KIAA0930: variants seen among roughly 807,000 people sequenced by gnomAD.
KIAA0930 encodes KIAA0930.
A neutral mutation model predicts 43.9 loss-of-function variants in KIAA0930; 24 were observed. That is an observed-to-expected ratio of 0.55 (90% CI 0.40 to 0.77). The LOEUF (loss-of-function observed/expected upper bound fraction) is 0.77, where lower values mean the gene tolerates loss of function less well. Ranked by LOEUF, KIAA0930 falls within the 30% of genes least tolerant of loss-of-function variation. The probability of loss-of-function intolerance (pLI) is 0.00; values close to 1 mark genes in which losing one functional copy is unlikely to be tolerated. For missense variants in KIAA0930, 461 were observed against 574.2 expected, an observed-to-expected ratio of 0.80 and a Z score of 2.02; for synonymous variants, 259 against 216.4, an observed-to-expected ratio of 1.20 and a Z score of -1.73.
At chr22:45,222,360 G>C (rs960521137) in intron 1 of KIAA0930, among the ~76,000 whole-genome samples, 2 of 152,118 alleles carry the variant, frequency 1.3e-5, no homozygotes, top group Non-Finnish European at 2.9e-5. Flanking sequence ...CTGTCACCTA[G>C]GCTGGAGTCC....
chr22:45,238,217 C>T (rs778652319), intron 1 of KIAA0930, among the ~76,000 whole-genome samples: 11 of 152,162 alleles, frequency 7.2e-5, no homozygotes, highest in South Asian at 2.1e-4. Context: ...TGAGCCACCA[C>T]GCCCGGCCAA....
intron 1 of KIAA0930, among the ~76,000 whole-genome samples, chr22:45,217,196 A>G (rs1208950268): frequency 6.6e-6 from 1 of 151,998 alleles, no homozygotes; most frequent in Non-Finnish European, 1.5e-5. Context: ...CCCCATCTCT[A>G]CTAAAAATAC....
chr22:45,206,701 AT>A (rs55641702), intron 2 of KIAA0930, among the ~76,000 whole-genome samples: 61,530 of 146,162 alleles, frequency 0.42, 12,856 homozygotes, highest in South Asian at 0.64. Flanking sequence ...CTGGCTTCCA[AT>A]TTTTTTTTTT....
At chr22:45,220,608 G>T (rs765131862) in intron 1 of KIAA0930, among the ~76,000 whole-genome samples, 18 of 152,082 alleles carry the variant, frequency 1.2e-4, no homozygotes, top group Non-Finnish European at 2.2e-4. Context: ...TTGGGACAGG[G>T]TCTATCTATG....
intron 1 of KIAA0930, among the ~76,000 whole-genome samples, chr22:45,228,317 C>T (rs1191166396): frequency 1.3e-5 from 2 of 152,122 alleles, no homozygotes; most frequent in African/African-American, 2.4e-5. Context: ...GAGTGTGGAC[C>T]AGTGAAATGT....
At chr22:45,223,820 CAGATGAGCACCCA>C (rs1183994783) in intron 1 of KIAA0930, among the ~76,000 whole-genome samples, 5 of 146,804 alleles carry the variant, frequency 3.4e-5, no homozygotes, top group Middle Eastern at 3.3e-3. Context: ...GGATCAGCAC[CAGATGAGCACCCA>C]GGATCAGCAC....
chr22:45,205,556 G>T, intron 4 of KIAA0930, 74 bp downstream of exon 4: 1 of 1,402,430 alleles, frequency 7.1e-7, no homozygotes, highest in South Asian at 1.2e-5. Flanking sequence ...GCAAGCAGGA[G>T]GACTTGTCTC....
At chr22:45,200,157 C>T (rs1223966627) in intron 7 of KIAA0930, 122 bp from the exon 8 acceptor site, 1 of 964,638 alleles carries the variant, frequency 1.0e-6, no homozygotes, top group South Asian at 2.1e-5. Context: ...GGCCGCTGGC[C>T]CAGGAGGACC....
chr22:45,214,875 C>T (rs2083721812), intron 1 of KIAA0930, among the ~76,000 whole-genome samples: 1 of 152,164 alleles, frequency 6.6e-6, no homozygotes, highest in African/African-American at 2.4e-5. Flanking sequence ...AACCACTGCA[C>T]TCCTGCCTGG....
Position 45,240,626 on chromosome 22 carries a change from C to T in KIAA0930, c.64+14G>A. On this transcript the variant is annotated intron_variant, in intron 1 of 9. Coordinates refer to ENST00000336156, the MANE Select transcript of KIAA0930 (RefSeq NM_001009880.2). ...ACCTCTCCCGGCCCGGCCTCGCCCCCGGGTCCCACTCACCGAGGCCGCAGA... is the reference window on the plus strand; with the variant it reads ...ACCTCTCCCGGCCCGGCCTCGCCCCTGGGTCCCACTCACCGAGGCCGCAGA... The T allele has an allele frequency of 1.3e-6, 2 of 1,518,802 alleles. No homozygotes were observed. Among genetic ancestry groups the T allele is most frequent in the Non-Finnish European group, 1.8e-6 (2 of 1,136,552 alleles). 94.1% of individuals were successfully genotyped at this position (1,518,802 alleles called of 1,614,324 possible).
rs533870817 is a variant in KIAA0930, at chr22:45,197,092, C to A, written c.*84G>T. 494 of 1,212,690 alleles carry A rather than the reference C, an allele frequency of 4.1e-4. 6 individuals are homozygous for A. In the South Asian group the frequency reaches 6.7e-3, roughly 17 times the overall value. The allele number at this position is 1,212,690 out of a possible 1,614,324, so 75.1% of individuals were successfully genotyped here. ...TCCAGCACTGGCGTGCCATCGCAGA[C>A]CCCGGTGGCGGTGGACAGGTAGGCA... On this transcript the variant is annotated 3_prime_UTR_variant, in exon 10 of 10. Coordinates refer to ENST00000336156, the MANE Select transcript of KIAA0930 (RefSeq NM_001009880.2).
At chr22:45,219,400 A>G (rs118060824) in intron 1 of KIAA0930, among the ~76,000 whole-genome samples, 4,108 of 152,118 alleles carry the variant, frequency 0.027, 149 homozygotes, top group Admixed American at 0.1. Flanking sequence ...ATTCCTTGAA[A>G]CCCACCCCAA....
chr22:45,225,255 C>T (rs142659241), intron 1 of KIAA0930, among the ~76,000 whole-genome samples: 2 of 152,158 alleles, frequency 1.3e-5, no homozygotes, highest in African/African-American at 2.4e-5. Flanking sequence ...CTCCCTCCCT[C>T]GGGGCACAGA....
At chr22:45,212,189 AC>A (rs1420556615) in intron 1 of KIAA0930, 82 bp from the exon 2 acceptor site, 4 of 1,612,498 alleles carry the variant, frequency 2.5e-6, no homozygotes, top group South Asian at 1.1e-5. Context: ...CTGCGCCCAT[AC>A]CCCCACATTT....
chr22:45,218,333 A>ATTTTTTTTTTTTTTT lies in KIAA0930; in HGVS notation c.65-6241_65-6227dup, dbSNP rs752298111. Among the ~76,000 whole-genome samples, 14 of 51,706 alleles carry ATTTTTTTTTTTTTTT rather than the reference A, an allele frequency of 2.7e-4. 1 individual carries two copies. Among genetic ancestry groups the ATTTTTTTTTTTTTTT allele is most frequent in the African/African-American group, 1.1e-3 (13 of 12,298 alleles). The allele number at this position is 51,706 out of a possible 152,430, so 33.9% of individuals were successfully genotyped here. On this transcript the variant is annotated intron_variant, in intron 1 of 9. Coordinates refer to ENST00000336156, the MANE Select transcript of KIAA0930 (RefSeq NM_001009880.2). ...CCATCACACCCAGCTAATTTTTTTG[A>ATTTTTTTTTTTTTTT]TTTTTTTTTTTTTTTTTTTTTTTTT...
intron 1 of KIAA0930, among the ~76,000 whole-genome samples, chr22:45,233,357 A>C (rs2083866297): frequency 6.6e-6 from 1 of 152,084 alleles, no homozygotes; most frequent in Non-Finnish European, 1.5e-5. Context: ...TAAGGAGTGG[A>C]GGCTGAGGTT....
intron 8 of KIAA0930, among the ~76,000 whole-genome samples, chr22:45,198,186 C>T (rs1318144838): frequency 2.0e-5 from 3 of 152,228 alleles, no homozygotes; most frequent in Non-Finnish European, 2.9e-5. Context: ...TTTGGCCACC[C>T]CCCTCATCTC....
chr22:45,217,274 T>C (rs1488973898), intron 1 of KIAA0930, among the ~76,000 whole-genome samples: 1 of 139,044 alleles, frequency 7.2e-6, no homozygotes, highest in Non-Finnish European at 1.5e-5. Context: ...GGCAGAAGAA[T>C]CGCTTGAACC....
In KIAA0930 at chr22:45,202,408, G is replaced by A. The variant is rs536316816; in HGVS notation, c.852+582C>T. On this transcript the variant is annotated intron_variant, in intron 7 of 9. Transcript: ENST00000336156. The stretch of plus-strand genomic sequence containing the variant: ...GCTATCCCAAGAGACCTTGTGACCT[G>A]GGGCAAGCTGGCAAGTCTGGTTTCC... Among the ~76,000 whole-genome samples the A allele has an allele frequency of 3.9e-5, 6 of 152,390 alleles. No homozygotes were observed. The South Asian group carries it at 1.2e-3, about 32-fold the overall frequency.
Sources: allele counts gnomAD v4.1 joint callset (sites outside exome capture counted in the v4.1 genomes callset), GRCh38; gene constraint gnomAD v4.1.1; transcripts MANE v1.5; gene names NCBI Gene and HGNC (gene_info 2026-07-23, HGNC 2026-07-21).